Variants in SLCO2A1 observed in about 807,000 individuals in gnomAD.
SLCO2A1 encodes the protein matrin F/G 1.
SLCO2A1 carries 60 observed loss-of-function variants against 71.7 expected under a neutral mutation model. The ratio of observed to expected loss-of-function variants is 0.84; its 90% CI spans 0.68 to 1.04. The LOEUF (loss-of-function observed/expected upper bound fraction) is 1.04, where lower values mean the gene tolerates loss of function less well. Ranked by LOEUF, SLCO2A1 falls within the 50% of genes least tolerant of loss-of-function variation. The pLI, the probability that SLCO2A1 is intolerant of heterozygous loss-of-function variation, is 0.00. For synonymous variants in SLCO2A1, 308 were observed against 326.7 expected, an observed-to-expected ratio of 0.94 and a Z score of 0.62; for missense variants, 745 against 813.4, an observed-to-expected ratio of 0.92 and a Z score of 1.02.
chr3:133,959,349 C>A (rs1167314093), intron 3 of SLCO2A1, among the ~76,000 whole-genome samples: 2 of 146,768 alleles, frequency 1.4e-5, no homozygotes, highest in African/African-American at 5.2e-5. Context: ...TTTATCAAAT[C>A]AAAACTACAA....
At chr3:133,950,209 C>A (rs952918421) in intron 6 of SLCO2A1, among the ~76,000 whole-genome samples, 8 of 152,112 alleles carry the variant, frequency 5.3e-5, no homozygotes, top group Non-Finnish European at 1.0e-4. Context: ...GACCCCAGCA[C>A]CTGCATGATG....
At chr3:134,013,222 G>A (rs1935375754) in intron 1 of SLCO2A1, among the ~76,000 whole-genome samples, 1 of 152,198 alleles carries the variant, frequency 6.6e-6, no homozygotes, top group African/African-American at 2.4e-5. Context: ...CTCCATATCA[G>A]TCTCAGCTCC....
intron 2 of SLCO2A1, among the ~76,000 whole-genome samples, chr3:133,977,715 G>A (rs72980351): frequency 0.027 from 4,160 of 152,192 alleles, 179 homozygotes; most frequent in African/African-American, 0.095. Context: ...CGCAAATGTC[G>A]GAGATTTGTT....
intron 1 of SLCO2A1, among the ~76,000 whole-genome samples, chr3:134,001,543 A>T (rs572418761): frequency 6.6e-6 from 1 of 151,930 alleles, no homozygotes; most frequent in South Asian, 2.1e-4. Flanking sequence ...CTCCCAAGGC[A>T]TTTTCTCCTC....
intron 1 of SLCO2A1, among the ~76,000 whole-genome samples, chr3:133,981,911 G>T (rs1373309211): frequency 6.6e-6 from 1 of 150,538 alleles, no homozygotes. Context: ...GGAGGTGGAG[G>T]TTGCAGTGAG....
At position 133,973,798 on chromosome 3, in the gene SLCO2A1, C is replaced by G. The variant is rs745913083; in HGVS notation, c.262G>C (p.Val88Leu). ...TGCACCCGGCTGCCAAAGTAGCTGA[C>G]AAAGATGATGAGGATGGCATTGCTG... Reference protein sequence around the residue: ...EISNAILIIFVSYFGSRVHRP... With the variant: ...EISNAILIIFLSYFGSRVHRP... Residue 88 changes from valine to leucine, a missense_variant, in exon 3 of 14, where the codon GTC becomes CTC. By Grantham distance (32) the Val-to-Leu change is conservative. Transcript: ENST00000310926. The G allele has an allele frequency of 1.9e-6, 3 of 1,613,790 alleles. No individual in the cohort carries two copies. The East Asian group carries it at 6.7e-5, about 36-fold the overall frequency.
intron 11 of SLCO2A1, among the ~76,000 whole-genome samples, chr3:133,939,962 CTT>C (rs752743899): frequency 0.021 from 2,217 of 106,234 alleles, 43 homozygotes; most frequent in African/African-American, 0.064. Flanking sequence ...ACAAAGTCAT[CTT>C]TTTTTTTTTT....
At chr3:133,997,285 GC>G (rs1021774132) in intron 1 of SLCO2A1, among the ~76,000 whole-genome samples, 1 of 152,094 alleles carries the variant, frequency 6.6e-6, no homozygotes, top group African/African-American at 2.4e-5. Context: ...GACATTCTCT[GC>G]CCCCAGTCTC....
At position 133,979,581 on chromosome 3, in the gene SLCO2A1, T is replaced by C; in HGVS notation, c.134A>G (p.Gln45Arg). ...CTTGAAGTAGGCGCTGTACAGGAGTTGGCAGAGCTGCAGGAGGCCTTGGCA... is the reference window on the plus strand; with the variant it reads ...CTTGAAGTAGGCGCTGTACAGGAGTCGGCAGAGCTGCAGGAGGCCTTGGCA... ...VLCQGLLQLC[Q>R]LLYSAYFKSS... Residue 45 changes from glutamine to arginine, a missense_variant, in exon 2 of 14, where the codon CAA becomes CGA. Coordinates refer to ENST00000310926, the MANE Select transcript of SLCO2A1 (RefSeq NM_005630.3). The C allele has an allele frequency of 6.2e-7, 1 of 1,613,972 alleles. No homozygotes were observed. Among genetic ancestry groups the C allele is most frequent in the Non-Finnish European group, 8.5e-7 (1 of 1,179,922 alleles).
intron 9 of SLCO2A1, among the ~76,000 whole-genome samples, chr3:133,945,879 T>C (rs1933562538): frequency 6.6e-6 from 1 of 152,172 alleles, no homozygotes; most frequent in African/African-American, 2.4e-5. Flanking sequence ...TGAGAGTTCA[T>C]CTCGTGCCAG....
At chr3:133,958,857 C>T (rs1040578987) in intron 3 of SLCO2A1, among the ~76,000 whole-genome samples, 3 of 152,160 alleles carry the variant, frequency 2.0e-5, no homozygotes, top group Non-Finnish European at 2.9e-5. Context: ...TCCCTAAAAC[C>T]TCAGGTTGTT....
At chr3:133,968,870 G>A (rs6779738) in intron 3 of SLCO2A1, among the ~76,000 whole-genome samples, 6,541 of 152,246 alleles carry the variant, frequency 0.043, 457 homozygotes, top group African/African-American at 0.15. Context: ...GTACATTTCC[G>A]GACCCCACTG....
At chr3:134,029,510 TCACACACACACACGCTCA>T (rs1363011333) in intron 1 of SLCO2A1, among the ~76,000 whole-genome samples, 179 bp downstream of exon 1, 157 of 144,466 alleles carry the variant, frequency 1.1e-3, no homozygotes, top group South Asian at 6.5e-3. Flanking sequence ...ACACACACGC[TCACACACACACACGCTCA>T]CACACACACT....
chr3:133,976,633 C>T (rs572431651), intron 2 of SLCO2A1, among the ~76,000 whole-genome samples: 3 of 151,478 alleles, frequency 2.0e-5, no homozygotes, highest in African/African-American at 7.4e-5. Context: ...GAGAAGAGAG[C>T]CTCAAGACCT....
chr3:133,987,352 C>T (rs913359289), intron 1 of SLCO2A1, among the ~76,000 whole-genome samples: 4 of 151,846 alleles, frequency 2.6e-5, no homozygotes, highest in Admixed American at 6.6e-5. Flanking sequence ...TGAAGCCAGC[C>T]GGCTACCTGG....
At chr3:133,983,851 G>A (rs991776236) in intron 1 of SLCO2A1, among the ~76,000 whole-genome samples, 2 of 152,212 alleles carry the variant, frequency 1.3e-5, no homozygotes, top group Non-Finnish European at 2.9e-5. Flanking sequence ...CTGGGGTAGT[G>A]GGTCTGGAGA....
In SLCO2A1 at chr3:133,958,848, C is replaced by T. The variant is rs527598747; in HGVS notation, c.398-3655G>A. On this transcript the variant is annotated intron_variant, in intron 3 of 13. Transcript: ENST00000310926. ...TGGAGAAATAAACAAAGTCTGAGTT[C>T]CCTAAAACCTCAGGTTGTTGTCATT... is the stretch of plus-strand genomic sequence containing the variant. 6.5e-4 allele frequency among the ~76,000 whole-genome samples: 99 copies of T among 152,280 alleles called. 1 individual carries two copies. Among genetic ancestry groups the T allele is most frequent in the Non-Finnish European group, 1.1e-3 (75 of 68,034 alleles).
intron 5 of SLCO2A1, among the ~76,000 whole-genome samples, chr3:133,951,601 T>C (rs1933748717): frequency 6.6e-6 from 1 of 152,184 alleles, no homozygotes; most frequent in Admixed American, 6.5e-5. Context: ...CACCTCCTTA[T>C]TCAACTCCCA....
At chr3:134,006,204 T>C (rs976929379) in intron 1 of SLCO2A1, among the ~76,000 whole-genome samples, 9 of 152,040 alleles carry the variant, frequency 5.9e-5, no homozygotes, top group African/African-American at 2.2e-4. Flanking sequence ...CCTGGCTAAT[T>C]TTTTTATTTC....
Sources: gnomAD v4.1 joint callset for allele counts (sites outside exome capture counted in the v4.1 genomes callset) on GRCh38, gnomAD v4.1.1 for gene constraint, MANE v1.5 for transcripts, NCBI Gene and HGNC (gene_info 2026-07-23, HGNC 2026-07-21) for gene names.